Variants in TEKT3 observed in about 807,000 individuals in gnomAD.
TEKT3 encodes the protein tektin 3, also known as tektin-3.
In TEKT3, 49 loss-of-function variants were observed where a neutral mutation model predicts 49.8. That is an observed-to-expected ratio of 0.98 (90% CI 0.78 to 1.25). TEKT3 has a LOEUF of 1.25. TEKT3 is among the 50% of genes most tolerant of loss of function. TEKT3 has a pLI of 0.00. For missense variants in TEKT3, 595 were observed against 629.5 expected (o/e 0.95, Z 0.59); for synonymous variants, 225 against 237.2 (o/e 0.95, Z 0.47).
At position 15,319,076 on chromosome 17, in the gene TEKT3, C is replaced by T. The variant is rs377740406; in HGVS notation, c.734+1G>A. On this transcript the variant is annotated splice_donor_variant, in intron 5 of 8. Transcript: ENST00000395930. LOFTEE classifies it high-confidence loss of function. Reference sequence around the variant, plus strand: ...ATTGTATAGAGACATAAAGCTCTTACGCAAGTTGGGCAATAGCCTTATCCA... The same window carrying T: ...ATTGTATAGAGACATAAAGCTCTTATGCAAGTTGGGCAATAGCCTTATCCA... 2.7e-5 allele frequency: 43 copies of T among 1,609,682 alleles called. 1 individual carries two copies. Among genetic ancestry groups the T allele is most frequent in the Middle Eastern group, 1.7e-4 (1 of 5,986 alleles).
intron 4 of TEKT3, among the ~76,000 whole-genome samples, chr17:15,320,396 T>A (rs1292580536): frequency 6.6e-6 from 1 of 152,220 alleles, no homozygotes; most frequent in Non-Finnish European, 1.5e-5. Context: ...ACAATTTTTT[T>A]AATCAATTTG....
Position 15,314,210 on chromosome 17 carries a change from T to G in TEKT3, c.755A>C (p.His252Pro). The change falls in exon 6 of 9, where the codon CAT (histidine) becomes CCT (proline). Residue 252 changes from histidine (H) to proline (P), a missense_variant. Coordinates refer to ENST00000395930, the MANE Select transcript of TEKT3 (RefSeq NM_031898.3). ...GTCACTCAGGTCCTTTTCCAGCTCA[T>G]GCTGGGACGCTCTGTTGGCTCTGCA... is the stretch of plus-strand genomic sequence containing the variant. Reference protein sequence around the residue: ...AQLAANRASQHELEKDLSDKQ... With the variant: ...AQLAANRASQPELEKDLSDKQ... The G allele has an allele frequency of 6.2e-7, 1 of 1,614,192 alleles. No individual in the cohort carries two copies. Among genetic ancestry groups the G allele is most frequent in the Non-Finnish European group, 8.5e-7 (1 of 1,180,028 alleles).
intron 3 of TEKT3, 41 bp from the exon 4 acceptor site, chr17:15,328,116 A>G (rs1227633882): frequency 1.3e-6 from 2 of 1,523,258 alleles, no homozygotes; most frequent in Non-Finnish European, 1.8e-6. Flanking sequence ...ATAAAAACTG[A>G]CAATCCATGA....
intron 4 of TEKT3, among the ~76,000 whole-genome samples, chr17:15,320,232 A>G (rs185384287): frequency 1.1e-3 from 170 of 152,308 alleles, no homozygotes; most frequent in African/African-American, 4.0e-3. Context: ...GCAAGCTGAT[A>G]TTATGAGTAT....
intron 1 of TEKT3, among the ~76,000 whole-genome samples, chr17:15,340,816 G>C (rs1912195562): frequency 6.6e-6 from 1 of 152,142 alleles, no homozygotes; most frequent in African/African-American, 2.4e-5. Flanking sequence ...GAAAAAAGTA[G>C]AATATTTTGT....
chr17:15,306,166 G>C (rs1366333224), intron 8 of TEKT3, among the ~76,000 whole-genome samples: 1 of 151,574 alleles, frequency 6.6e-6, no homozygotes, highest in Non-Finnish European at 1.5e-5. Context: ...AAGTAGAGCA[G>C]AGCCTGGTCT....
intron 3 of TEKT3, among the ~76,000 whole-genome samples, chr17:15,329,812 C>T (rs1911643819): frequency 6.6e-6 from 1 of 152,218 alleles, no homozygotes; most frequent in South Asian, 2.1e-4. Flanking sequence ...TAGAGAACTA[C>T]AGCAAGTGCT....
chr17:15,305,554 A>G (rs1327156513), intron 8 of TEKT3, among the ~76,000 whole-genome samples: 3 of 152,154 alleles, frequency 2.0e-5, no homozygotes, highest in Admixed American at 6.5e-5. Flanking sequence ...ATCTTCGGCG[A>G]GGCTGCCGCA....
chr17:15,318,722 T>C (rs543975086), intron 5 of TEKT3, among the ~76,000 whole-genome samples: 2 of 152,264 alleles, frequency 1.3e-5, no homozygotes, highest in East Asian at 3.9e-4. Context: ...CTTTTATCTG[T>C]AGAGCAGAGG....
rs1037043562 is a variant in TEKT3 at position 15,331,700 on chromosome 17, G to A, written c.-29-86C>T. 3.8e-6 allele frequency: 4 copies of A among 1,041,382 alleles called. No homozygotes were observed. In the South Asian group the frequency reaches 5.1e-5, roughly 13 times the overall value. 64.5% of individuals were successfully genotyped at this position (1,041,382 alleles called of 1,614,324 possible). A position where few individuals can be genotyped will look rare whatever the true frequency, so the allele number is the denominator to read the frequency against. ...CAGATAAAAGGCCACATCTGACTTA[G>A]TATCAGTTGCAGAGGCCCCGAACAC... On this transcript the variant is annotated intron_variant, in intron 2 of 8. Transcript: ENST00000395930.
Position 15,333,633 on chromosome 17 carries a change from A to G in TEKT3, c.-29-2019T>C, listed in dbSNP as rs543553318. ...GTCCTTAAAGTTGTCTTTAGTTCCA[A>G]CCCCTTCCCTATGTCAGATCAATAA... On this transcript the variant is annotated intron_variant, in intron 2 of 8. Coordinates refer to ENST00000395930, the MANE Select transcript of TEKT3 (RefSeq NM_031898.3). Among the ~76,000 whole-genome samples, 29 of 152,106 alleles carry G rather than the reference A, an allele frequency of 1.9e-4. No homozygotes were observed. The South Asian group carries it at 4.0e-3, about 21-fold the overall frequency.
intron 8 of TEKT3, among the ~76,000 whole-genome samples, chr17:15,308,293 AC>A (rs1192065946): frequency 6.6e-6 from 1 of 152,208 alleles, no homozygotes; most frequent in Admixed American, 6.5e-5. Context: ...CGAACACCAC[AC>A]TGGCCTCCCC....
At chr17:15,321,301 G>A (rs1034000666) in intron 4 of TEKT3, among the ~76,000 whole-genome samples, 1 of 152,066 alleles carries the variant, frequency 6.6e-6, no homozygotes, top group Non-Finnish European at 1.5e-5. Context: ...GAGCCACCAT[G>A]CCCGGCCAAC....
intron 5 of TEKT3, among the ~76,000 whole-genome samples, chr17:15,317,524 G>A (rs747012059): frequency 6.6e-5 from 10 of 152,108 alleles, no homozygotes; most frequent in African/African-American, 1.2e-4. Context: ...GTCACAGCTC[G>A]AGAGAATCTC....
chr17:15,340,988 A>C (rs999303495), intron 1 of TEKT3, among the ~76,000 whole-genome samples: 1 of 152,226 alleles, frequency 6.6e-6, no homozygotes, highest in Non-Finnish European at 1.5e-5. Context: ...CCCAAACACA[A>C]GCGAAAGCTT....
intron 2 of TEKT3, among the ~76,000 whole-genome samples, chr17:15,337,576 G>A (rs1912035465): frequency 6.6e-6 from 1 of 152,200 alleles, no homozygotes; most frequent in Non-Finnish European, 1.5e-5. Flanking sequence ...GGGCACGGTG[G>A]CTCACGCCTG....
chr17:15,325,437 T>C (rs1159739921), intron 4 of TEKT3, among the ~76,000 whole-genome samples: 1 of 152,182 alleles, frequency 6.6e-6, no homozygotes, highest in African/African-American at 2.4e-5. Context: ...CTTTCAGCAA[T>C]ATTTTGAATT....
intron 5 of TEKT3, among the ~76,000 whole-genome samples, chr17:15,317,161 G>A (rs1597662831): frequency 6.6e-6 from 1 of 152,114 alleles, no homozygotes; most frequent in Admixed American, 6.5e-5. Flanking sequence ...TGTATTAAAG[G>A]AAAGCCAATC....
intron 2 of TEKT3, among the ~76,000 whole-genome samples, chr17:15,336,022 G>C (rs1003557926): frequency 6.6e-6 from 1 of 151,954 alleles, no homozygotes; most frequent in African/African-American, 2.4e-5. Context: ...AAAAATATTT[G>C]AGGAAATAAT....
Sources: allele counts gnomAD v4.1 joint callset (sites outside exome capture counted in the v4.1 genomes callset), GRCh38; gene constraint gnomAD v4.1.1; transcripts MANE v1.5; gene names NCBI Gene and HGNC (gene_info 2026-07-23, HGNC 2026-07-21).